RPS15A: variants seen among roughly 807,000 people sequenced by gnomAD.
The protein encoded by RPS15A is small ribosomal subunit protein uS8.
For missense variants in RPS15A, 62 were observed against 163.4 expected, an observed-to-expected ratio of 0.38 and a Z score of 3.38; for synonymous variants, 55 against 58.5, an observed-to-expected ratio of 0.94 and a Z score of 0.27.
chr16:18,786,235 CT>C (rs1385745204), intron 3 of RPS15A: 3 of 229,064 alleles, frequency 1.3e-5, no homozygotes, highest in African/African-American at 7.1e-5. Context: ...CATGGTGGCA[CT>C]CACCTGTAAT....
chr16:18,788,314 A>G (rs1260649442), intron 2 of RPS15A, among the ~76,000 whole-genome samples, 172 bp from the exon 3 acceptor site: 1 of 152,210 alleles, frequency 6.6e-6, no homozygotes, highest in African/African-American at 2.4e-5. Context: ...AACCTAACAT[A>G]TAAGAATTGG....
intron 4 of RPS15A, chr16:18,783,540 A>T (rs1039916202): frequency 1.8e-5 from 7 of 399,682 alleles, no homozygotes; most frequent in Admixed American, 1.2e-4. Flanking sequence ...TTCATGAGTT[A>T]CTGTGGGGAT....
chr16:18,787,782 A>G (rs1023541920), intron 3 of RPS15A, among the ~76,000 whole-genome samples: 7 of 152,230 alleles, frequency 4.6e-5, no homozygotes, highest in African/African-American at 1.4e-4. Flanking sequence ...TGAGGTGGGT[A>G]GCGTTAACAT....
chr16:18,785,808 G>A (rs1904038400), intron 3 of RPS15A: 1 of 152,212 alleles, frequency 6.6e-6, no homozygotes, highest in Non-Finnish European at 1.5e-5. Context: ...AAGCTATAGT[G>A]AAAGATCTTT....
At chr16:18,784,975 T>C in intron 3 of RPS15A, 152 bp from the exon 4 acceptor site, 1 of 578,854 alleles carries the variant, frequency 1.7e-6, no homozygotes, top group South Asian at 2.3e-5. Flanking sequence ...ATGCTTGACA[T>C]ACTTTTCAAA....
rs2141861031 is a variant in RPS15A, at chr16:18,787,976, CTCAG to C, written c.213+83_213+86del. 1.1e-5 allele frequency: 9 copies of C among 829,914 alleles called. No individual in the cohort carries two copies. In the Admixed American group the frequency reaches 1.4e-4, roughly 13 times the overall value. The allele number at this position is 829,914 out of a possible 1,614,324, so 51.4% of individuals were successfully genotyped here. ...GGATAAATCAAGTATGGCACCACTA[CTCAG>C]TATTTCCAAAGGCAATTACAACATT... is the stretch of plus-strand genomic sequence containing the variant. On this transcript the variant is annotated intron_variant, in intron 3 of 4. Coordinates refer to ENST00000322989, the MANE Select transcript of RPS15A (RefSeq NM_001019.5).
rs1046963886 is a variant in RPS15A, at chr16:18,782,893, A to T, written c.*116T>A. 1.6e-6 allele frequency: 1 copy of T among 641,870 alleles called. No individual in the cohort carries two copies. Among genetic ancestry groups the T allele is most frequent in the African/African-American group, 1.8e-5 (1 of 54,674 alleles). 39.8% of individuals were successfully genotyped at this position (641,870 alleles called of 1,614,324 possible). ...GGGAATCGCATTCACCGATAAACGA[A>T]GCAACTGCATGCTGCCGCAGAAGCT... On this transcript the variant is annotated 3_prime_UTR_variant, in exon 5 of 5. Coordinates refer to ENST00000322989, the MANE Select transcript of RPS15A (RefSeq NM_001019.5).
chr16:18,786,802 C>G (rs1748042976), intron 3 of RPS15A: 2 of 152,136 alleles, frequency 1.3e-5, no homozygotes, highest in Admixed American at 1.3e-4. Context: ...TAAATCAATC[C>G]TATTTTGAGG....
chr16:18,784,620 G>A, intron 4 of RPS15A, 118 bp downstream of exon 4: 1 of 739,408 alleles, frequency 1.4e-6, no homozygotes, highest in Non-Finnish European at 2.3e-6. Flanking sequence ...ATGGTTAAGA[G>A]TAGACAAATT....
At chr16:18,784,481 G>C in intron 4 of RPS15A, 1 of 377,702 alleles carries the variant, frequency 2.6e-6, no homozygotes, top group Non-Finnish European at 4.7e-6. Context: ...CCCAACCTCA[G>C]GTGATCCGCC....
chr16:18,784,043 AGCTCTCAT>A (rs1417759660), intron 4 of RPS15A: 1 of 208,930 alleles, frequency 4.8e-6, no homozygotes, highest in Non-Finnish European at 9.9e-6. Flanking sequence ...TGCCAGTCTA[AGCTCTCAT>A]GTGCCTCTCA....
At chr16:18,784,145 A>T (rs1463934304) in intron 4 of RPS15A, 1 of 172,186 alleles carries the variant, frequency 5.8e-6, no homozygotes, top group Non-Finnish European at 1.3e-5. Context: ...CAAGAGGCTG[A>T]GCGGGGAGGA....
In RPS15A at chr16:18,782,472, C is replaced by G. The variant is rs1235419107; in HGVS notation, c.*537G>C. ...GTGTAATGGCTCGTGGCTGTAATCC[C>G]AGCACTTCGGGAGGCCGAGGTAGGC... is the stretch of plus-strand genomic sequence containing the variant. On this transcript the variant is annotated 3_prime_UTR_variant, in exon 5 of 5. Coordinates refer to ENST00000322989, the MANE Select transcript of RPS15A (RefSeq NM_001019.5). 1 of 152,280 alleles carries G rather than the reference C, an allele frequency of 6.6e-6. No homozygotes were observed. Among genetic ancestry groups the G allele is most frequent in the African/African-American group, 2.4e-5 (1 of 41,382 alleles). The allele number at this position is 152,280 out of a possible 1,614,324, so 9.4% of individuals were successfully genotyped here. A position where few individuals can be genotyped will look rare whatever the true frequency, so the allele number is the denominator to read the frequency against.
intron 3 of RPS15A, chr16:18,785,240 G>A (rs1260808686): frequency 1.9e-5 from 3 of 155,486 alleles, no homozygotes; most frequent in African/African-American, 7.2e-5. Flanking sequence ...CAAATTATTA[G>A]AATATCTAAG....
intron 3 of RPS15A, 171 bp downstream of exon 3, chr16:18,787,892 C>G (rs1305382374): frequency 1.6e-6 from 1 of 610,030 alleles, no homozygotes; most frequent in East Asian, 2.8e-5. Context: ...CTAGCACAAT[C>G]AACCCAGGAG....
intron 3 of RPS15A, 167 bp from the exon 4 acceptor site, chr16:18,784,990 A>G (rs994898363): frequency 2.0e-5 from 11 of 555,678 alleles, no homozygotes; most frequent in Non-Finnish European, 2.8e-5. Context: ...TTCAAAAAAT[A>G]CACCTAAGTA....
At chr16:18,784,873 GAA>G in intron 3 of RPS15A, 50 bp from the exon 4 acceptor site, 1 of 1,399,868 alleles carries the variant, frequency 7.1e-7, no homozygotes, top group South Asian at 1.2e-5. Flanking sequence ...ACCAATAACA[GAA>G]AAACTGAGTA....
Position 18,784,805 on chromosome 16 carries a change from T to C in RPS15A, c.232A>G (p.Arg78Gly), listed in dbSNP as rs761248930. The change falls in exon 4 of 5, where the codon AGA (arginine) becomes GGA (glycine). Residue 78 changes from arginine to glycine, a missense_variant. Transcript: ENST00000322989. ...RLNKCGVISPRFDVQLKDLEK... is the reference protein window; with the variant it reads ...RLNKCGVISPGFDVQLKDLEK... ...AGGTCTTTGAGTTGCACGTCAAATC[T>C]GGGGCTGATCACCCCACACTATAAA... 1.2e-6 allele frequency: 2 copies of C among 1,612,168 alleles called. No individual in the cohort carries two copies. The highest frequency in any genetic ancestry group is 1.7e-6 in the Non-Finnish European group (2 of 1,179,198).
At chr16:18,788,480 G>A (rs1336043599) in intron 2 of RPS15A, 5 of 254,010 alleles carry the variant, frequency 2.0e-5, no homozygotes, top group Non-Finnish European at 3.8e-5. Context: ...AAGATCTCAA[G>A]AGTCCTTTCT....
Sources: allele counts gnomAD v4.1 joint callset (sites outside exome capture counted in the v4.1 genomes callset), GRCh38; gene constraint gnomAD v4.1.1; transcripts MANE v1.5; gene names NCBI Gene and HGNC (gene_info 2026-07-23, HGNC 2026-07-21).